GARIN1A: variants seen among roughly 807,000 people sequenced by gnomAD.
The protein encoded by GARIN1A is golgi associated RAB2 interactor 1A.
the GARIN1A span, chr7:128,684,574 C>T: frequency 2.9e-5 from 4 of 138,776 alleles, no homozygotes; most frequent in Non-Finnish European, 1.5e-5. Context: ...GGGATCATGC[C>T]ACTGTGCTCC....
At chr7:128,675,255 C>T in the GARIN1A span, among the ~76,000 whole-genome samples, 1 of 152,196 alleles carries the variant, frequency 6.6e-6, no homozygotes, top group Non-Finnish European at 1.5e-5. Flanking sequence ...CTCAAGCTGT[C>T]TGGGTCTTCC....
At chr7:128,685,053 C>T in the GARIN1A span, 1 of 152,122 alleles carries the variant, frequency 6.6e-6, no homozygotes, top group Non-Finnish European at 1.5e-5. Flanking sequence ...AGGTGTGAAC[C>T]ACCAGTCCGG....
At chr7:128,693,379 G>A in the GARIN1A span, 7,512 of 152,532 alleles carry the variant, frequency 0.049, 255 homozygotes, top group Middle Eastern at 0.11. Context: ...CTCTCACTCC[G>A]TTCAAGGGCC....
chr7:128,682,550 A>G, the GARIN1A span, among the ~76,000 whole-genome samples: 7 of 152,248 alleles, frequency 4.6e-5, no homozygotes, highest in Middle Eastern at 6.8e-3. Flanking sequence ...GAGCTGGAAA[A>G]AGGCATGATT....
the GARIN1A span, among the ~76,000 whole-genome samples, chr7:128,696,901 G>A: frequency 1.4e-4 from 21 of 152,222 alleles, no homozygotes; most frequent in Non-Finnish European, 2.6e-4. Context: ...ACAACTACTT[G>A]AGTCTAGACC....
the GARIN1A span, among the ~76,000 whole-genome samples, chr7:128,674,532 T>C: frequency 6.6e-6 from 1 of 152,192 alleles, no homozygotes; most frequent in Admixed American, 6.5e-5. Context: ...ACCATCACTA[T>C]CATCATCTCA....
At chr7:128,677,880 T>C in the GARIN1A span, 2 of 1,253,428 alleles carry the variant, frequency 1.6e-6, no homozygotes, top group Non-Finnish European at 2.1e-6. Context: ...TAAGTGTCTG[T>C]GTATATATAT....
At chr7:128,698,081 A>G in the GARIN1A span, among the ~76,000 whole-genome samples, 2 of 152,184 alleles carry the variant, frequency 1.3e-5, no homozygotes, top group Non-Finnish European at 2.9e-5. Context: ...CAGGATATCA[A>G]TTTTTAAAAT....
chr7:128,700,754 A>G, the GARIN1A span, among the ~76,000 whole-genome samples: 5 of 152,226 alleles, frequency 3.3e-5, no homozygotes, highest in Non-Finnish European at 7.3e-5. Flanking sequence ...ATAATGGCCA[A>G]GAATTTCTCA....
chr7:128,679,015 G>A, the GARIN1A span, among the ~76,000 whole-genome samples: 2 of 150,110 alleles, frequency 1.3e-5, no homozygotes, highest in African/African-American at 2.4e-5. Context: ...CTTATGTAAC[G>A]ATTGTTACAT....
At chr7:128,673,726 G>A in the GARIN1A span, among the ~76,000 whole-genome samples, 3 of 152,254 alleles carry the variant, frequency 2.0e-5, no homozygotes, top group East Asian at 1.9e-4. Flanking sequence ...GCCGCTCCAC[G>A]GTCCCTTTAC....
At chr7:128,697,901 T>C in the GARIN1A span, among the ~76,000 whole-genome samples, 1 of 152,182 alleles carries the variant, frequency 6.6e-6, no homozygotes, top group Non-Finnish European at 1.5e-5. Context: ...GGATCTTTAC[T>C]GTTTTGGAGT....
the GARIN1A span, chr7:128,675,878 G>A: frequency 1.9e-6 from 3 of 1,544,576 alleles, no homozygotes; most frequent in South Asian, 3.3e-5. Context: ...TTGAGGGAGG[G>A]CGGGAAGGGA....
At chr7:128,696,541 A>G in the GARIN1A span, among the ~76,000 whole-genome samples, 5 of 152,106 alleles carry the variant, frequency 3.3e-5, no homozygotes, top group African/African-American at 1.2e-4. Context: ...TAACATTCTA[A>G]GTCAGGCCAG....
At chr7:128,675,972 C>A in the GARIN1A span, 1 of 681,800 alleles carries the variant, frequency 1.5e-6, no homozygotes, top group East Asian at 2.7e-5. Context: ...TGCATAAACC[C>A]TGTAGAACTC....
At chr7:128,671,748 G>C in the GARIN1A span, among the ~76,000 whole-genome samples, 9 of 151,890 alleles carry the variant, frequency 5.9e-5, no homozygotes, top group African/African-American at 2.2e-4. Flanking sequence ...TTTTGGTCTG[G>C]CTCCAGCATA....
At chr7:128,703,663 C>CTGACT in the GARIN1A span, among the ~76,000 whole-genome samples, 35 of 152,050 alleles carry the variant, frequency 2.3e-4, no homozygotes, top group African/African-American at 7.7e-4. Flanking sequence ...TATAGTCCTA[C>CTGACT]TGACTCGTGA....
the GARIN1A span, chr7:128,672,288 G>A: frequency 1.1e-6 from 1 of 900,298 alleles, no homozygotes; most frequent in Non-Finnish European, 1.7e-6. Context: ...GTAAGTAAAT[G>A]GGGAGGAAAT....
At chr7:128,696,064 G>A in the GARIN1A span, among the ~76,000 whole-genome samples, 11 of 134,502 alleles carry the variant, frequency 8.2e-5, no homozygotes, top group Non-Finnish European at 1.7e-4. Flanking sequence ...CCAGGCTGGA[G>A]TGCAGTGGCA....
Sources: allele counts gnomAD v4.1 joint callset (sites outside exome capture counted in the v4.1 genomes callset), GRCh38; gene constraint gnomAD v4.1.1; transcripts MANE v1.5; gene names NCBI Gene and HGNC (gene_info 2026-07-23, HGNC 2026-07-21).